Variants in MS4A6A observed in about 807,000 individuals in gnomAD.
MS4A6A encodes the protein membrane spanning 4-domains A6A.
A neutral mutation model predicts 20.6 loss-of-function variants in MS4A6A; 19 were observed. The ratio of observed to expected loss-of-function variants is 0.92; its 90% CI spans 0.64 to 1.36. MS4A6A has a LOEUF of 1.36. Among genes scored for constraint, MS4A6A ranks in the 40% most tolerant of loss-of-function variants. The pLI, the probability that MS4A6A is intolerant of heterozygous loss-of-function variation, is 0.00. For synonymous variants in MS4A6A, 108 were observed against 105.0 expected (o/e 1.03, Z -0.17); for missense variants, 272 against 261.1 (o/e 1.04, Z -0.29).
downstream of MS4A6A, chr11:60,172,090 C>A: frequency 6.7e-7 from 1 of 1,492,370 alleles, no homozygotes; most frequent in Non-Finnish European, 9.1e-7. Flanking sequence ...CTTTGCTTTT[C>A]TATAATGGTT....
At chr11:60,180,806 G>C (rs1590682754) in intron 2 of MS4A6A, 1 of 328,026 alleles carries the variant, frequency 3.0e-6, no homozygotes, top group East Asian at 8.1e-5. Context: ...TTAGGAGGTA[G>C]TTTTCCTTCC....
At chr11:60,173,161 C>T (rs1245664299) in intron 5 of MS4A6A, 32 bp from the exon 6 acceptor site, 3 of 1,597,408 alleles carry the variant, frequency 1.9e-6, no homozygotes, top group Non-Finnish European at 1.7e-6. Flanking sequence ...ATTGATGTTG[C>T]TTAGGTCAGC....
chr11:60,181,704 A>G lies in MS4A6A; in HGVS notation c.24T>C (p.Asn8=), dbSNP rs1565105419. 1 of 1,614,164 alleles carries G rather than the reference A, an allele frequency of 6.2e-7. No individual in the cohort carries two copies. Among genetic ancestry groups the G allele is most frequent in the Admixed American group, 1.7e-5 (1 of 60,016 alleles). ...TTGATGGGAGCACTATGATGGTCTC[A>G]TTGGGAACAGGTTGTGATGTCATGA... is the stretch of plus-strand genomic sequence containing the variant. The part of the protein sequence containing the change: MTSQPVP[N]ETIIVLPSNV... The change falls in exon 2 of 6, where the codon AAT becomes AAC. Residue 8 remains asparagine, a synonymous_variant. Transcript: ENST00000528851.
In MS4A6A at chr11:60,178,362, T is replaced by C. The variant is rs187353039; in HGVS notation, c.283-46A>G. ...GTCAGGTCAGATTCCATGTACAGAG[T>C]ACCTTCGACGTCACTATCACAATGT... On this transcript the variant is annotated intron_variant, in intron 3 of 5. Transcript: ENST00000528851. 8.0e-3 allele frequency: 12,008 copies of C among 1,492,460 alleles called. 82 individuals are homozygous for C. The highest frequency in any genetic ancestry group is 0.01 in the Non-Finnish European group (10,885 of 1,072,662). The allele number at this position is 1,492,460 out of a possible 1,614,324, so 92.5% of individuals were successfully genotyped here. A position where few individuals can be genotyped will look rare whatever the true frequency, so the allele number is the denominator to read the frequency against.
At chr11:60,179,419 T>A (rs1857010109) in intron 3 of MS4A6A, 3 of 474,944 alleles carry the variant, frequency 6.3e-6, no homozygotes, top group East Asian at 3.7e-5. Flanking sequence ...CCTTCCTCCA[T>A]GATCCCCACA....
At chr11:60,174,206 G>A (rs1243446027) in intron 5 of MS4A6A, among the ~76,000 whole-genome samples, 3 of 152,116 alleles carry the variant, frequency 2.0e-5, no homozygotes, top group African/African-American at 4.8e-5. Flanking sequence ...TCTTTATAAT[G>A]AGTGCTATAC....
intron 1 of MS4A6A, chr11:60,182,739 G>C (rs972508262): frequency 3.8e-5 from 6 of 156,600 alleles, no homozygotes; most frequent in Non-Finnish European, 8.4e-5. Flanking sequence ...CATTTGAAGA[G>C]ACAAGAGCTC....
At chr11:60,172,064 A>C, downstream of MS4A6A, 1 of 1,244,442 alleles carries the variant, frequency 8.0e-7, no homozygotes, top group Non-Finnish European at 1.1e-6. Flanking sequence ...AAAAGCTTAC[A>C]TTTAGGAAAC....
chr11:60,180,890 C>T (rs1857102504), intron 2 of MS4A6A: 3 of 376,018 alleles, frequency 8.0e-6, no homozygotes, highest in South Asian at 4.0e-5. Flanking sequence ...GTCACATGAG[C>T]CTCATAGAAA....
intron 5 of MS4A6A, among the ~76,000 whole-genome samples, chr11:60,174,133 T>C (rs1298562820): frequency 2.6e-5 from 4 of 152,226 alleles, no homozygotes; most frequent in African/African-American, 9.6e-5. Flanking sequence ...TCTGTGCCAA[T>C]TGCTGTCAGC....
intron 2 of MS4A6A, 151 bp from the exon 3 acceptor site, chr11:60,180,116 GA>G: frequency 1.3e-6 from 1 of 753,228 alleles, no homozygotes; most frequent in Admixed American, 2.9e-5. Flanking sequence ...TGAGAAATAT[GA>G]AAAGACATCC....
chr11:60,171,620 T>G (rs985100160), downstream of MS4A6A, among the ~76,000 whole-genome samples: 16 of 152,140 alleles, frequency 1.1e-4, no homozygotes, highest in African/African-American at 3.9e-4. Context: ...ACTCAAAAAT[T>G]TTATTTTGAA....
At chr11:60,177,049 T>G (rs1408341248) in intron 4 of MS4A6A, 1 of 152,234 alleles carries the variant, frequency 6.6e-6, no homozygotes, top group East Asian at 1.9e-4. Context: ...TTTTATTCAG[T>G]TGCACTATAT....
intron 3 of MS4A6A, chr11:60,179,377 G>T: frequency 2.8e-6 from 1 of 352,016 alleles, no homozygotes; most frequent in Non-Finnish European, 5.2e-6. Flanking sequence ...TGCAGTAAAA[G>T]TATTTTCAAA....
In MS4A6A at chr11:60,178,264, AG is replaced by A. The variant is rs770185417; in HGVS notation, c.334del (p.Leu112PhefsTer12). ...GGTTATAGCTCTCTTACTCACCAAA[AG>A]CTTGGTTAACCTTTTCTCTGTGGCG... ...SIATEKRLTK[L>X]LVHSSLVGSI... On this transcript the variant is annotated frameshift_variant, in exon 4 of 6. Coordinates refer to ENST00000528851, the MANE Select transcript of MS4A6A (RefSeq NM_022349.4). LOFTEE classifies it high-confidence loss of function. 32 of 1,612,782 alleles carry A rather than the reference AG, an allele frequency of 2.0e-5. No individual in the cohort carries two copies. In the East Asian group the frequency reaches 7.1e-4, roughly 36 times the overall value.
At chr11:60,181,788 C>A (rs746600410) in intron 1 of MS4A6A, 47 bp from the exon 2 acceptor site, 59 of 1,577,314 alleles carry the variant, frequency 3.7e-5, no homozygotes, top group Non-Finnish European at 5.0e-5. Flanking sequence ...ACAGAGCTCC[C>A]AGGTTCTGAC....
chr11:60,179,409 C>T (rs943881832), intron 3 of MS4A6A: 1 of 452,628 alleles, frequency 2.2e-6, no homozygotes, highest in Non-Finnish European at 3.9e-6. Context: ...TGTAAGTTCT[C>T]CTTCCTCCAT....
At chr11:60,175,665 T>A in intron 4 of MS4A6A, 54 bp from the exon 5 acceptor site, 1 of 1,558,326 alleles carries the variant, frequency 6.4e-7, no homozygotes, top group Non-Finnish European at 8.8e-7. Flanking sequence ...GAATCTGTTA[T>A]GCATCTTTGC....
At chr11:60,174,201 A>G (rs1486010716) in intron 5 of MS4A6A, among the ~76,000 whole-genome samples, 1 of 152,186 alleles carries the variant, frequency 6.6e-6, no homozygotes, top group Non-Finnish European at 1.5e-5. Flanking sequence ...GGCCCTCTTT[A>G]TAATGAGTGC....
Sources: gnomAD v4.1 joint callset for allele counts (sites outside exome capture counted in the v4.1 genomes callset) on GRCh38, gnomAD v4.1.1 for gene constraint, MANE v1.5 for transcripts, NCBI Gene and HGNC (gene_info 2026-07-23, HGNC 2026-07-21) for gene names.